Variants in UNC13C observed in about 807,000 individuals in gnomAD.
UNC13C encodes the protein protein unc-13 homolog C.
UNC13C carries 174 observed loss-of-function variants against 245.4 expected under a neutral mutation model. The observed-to-expected ratio is 0.71, with a 90% CI of 0.63 to 0.80. The LOEUF (loss-of-function observed/expected upper bound fraction) is 0.80. Ranked by LOEUF, UNC13C falls within the 30% of genes least tolerant of loss-of-function variation. The pLI is 0.00. For missense variants in UNC13C, 2,829 were observed against 2,602.9 expected (o/e 1.09, Z -1.89); for synonymous variants, 992 against 895.1 (o/e 1.11, Z -1.93).
At chr15:54,053,841 C>T (rs1897379784) in intron 2 of UNC13C, among the ~76,000 whole-genome samples, 1 of 152,010 alleles carries the variant, frequency 6.6e-6, no homozygotes, top group Non-Finnish European at 1.5e-5. Context: ...TATCTCCATG[C>T]GTTCAATTGT....
chr15:53,871,824 G>A, the UNC13C span, among the ~76,000 whole-genome samples: 1 of 152,280 alleles, frequency 6.6e-6, no homozygotes, highest in South Asian at 2.1e-4. Flanking sequence ...CAAGCCTGAC[G>A]CCAGTGGAAG....
At chr15:54,205,820 G>A (rs756043334) in intron 4 of UNC13C, among the ~76,000 whole-genome samples, 25 of 151,958 alleles carry the variant, frequency 1.6e-4, no homozygotes, top group Admixed American at 1.2e-3. Context: ...TTTATTGTAG[G>A]ACACAACAGT....
chr15:54,388,719 T>C (rs1257843725), intron 17 of UNC13C, among the ~76,000 whole-genome samples: 2 of 152,180 alleles, frequency 1.3e-5, no homozygotes, highest in Non-Finnish European at 2.9e-5. Context: ...TTTATTCTTA[T>C]TGTTTTTTAG....
chr15:54,482,488 G>A (rs1409299468), intron 19 of UNC13C, among the ~76,000 whole-genome samples: 2 of 152,078 alleles, frequency 1.3e-5, no homozygotes, highest in African/African-American at 2.4e-5. Flanking sequence ...AAACCACTGG[G>A]GATCTTTTGT....
chr15:54,449,262 C>G (rs1455970061), intron 19 of UNC13C, among the ~76,000 whole-genome samples: 1 of 152,086 alleles, frequency 6.6e-6, no homozygotes, highest in Non-Finnish European at 1.5e-5. Flanking sequence ...CTTGGAGTTG[C>G]TCTTCTCAAG....
At chr15:54,063,326 T>C (rs1040052703) in intron 2 of UNC13C, among the ~76,000 whole-genome samples, 2 of 151,742 alleles carry the variant, frequency 1.3e-5, no homozygotes, top group African/African-American at 4.8e-5. Context: ...GAGTAAGAGG[T>C]GTGTGGTGGG....
chr15:53,958,791 T>G, the UNC13C span, among the ~76,000 whole-genome samples: 2 of 152,230 alleles, frequency 1.3e-5, no homozygotes, highest in Non-Finnish European at 2.9e-5. Flanking sequence ...AACATTTATC[T>G]TTTCTTTGTG....
intron 10 of UNC13C, 35 bp from the exon 11 acceptor site, chr15:54,293,860 T>C: frequency 6.8e-7 from 1 of 1,476,098 alleles, no homozygotes; most frequent in Non-Finnish European, 9.0e-7. Flanking sequence ...AGAGCAGTTT[T>C]CAATTGTTGT....
At chr15:54,428,817 T>C (rs747399645) in intron 19 of UNC13C, among the ~76,000 whole-genome samples, 10 of 151,612 alleles carry the variant, frequency 6.6e-5, no homozygotes, top group Non-Finnish European at 1.3e-4. Flanking sequence ...CCCCAAATAT[T>C]GATAGATTGC....
Position 54,466,589 on chromosome 15 carries a change from C to T in UNC13C, c.4934-28019C>T, listed in dbSNP as rs564378178. Among the ~76,000 whole-genome samples the T allele has an allele frequency of 1.3e-3, 199 of 151,932 alleles. 1 individual carries two copies. The highest frequency in any genetic ancestry group is 4.7e-3 in the African/African-American group (195 of 41,534). ...AAGTAAATTGATCTTGAGACACTAT[C>T]GTGTCAGGATGTTGCATCTTTAAGA... On this transcript the variant is annotated intron_variant, in intron 19 of 32. Coordinates refer to ENST00000260323, the MANE Select transcript of UNC13C (RefSeq NM_001080534.3).
intron 14 of UNC13C, among the ~76,000 whole-genome samples, chr15:54,329,879 A>G (rs1422986026): frequency 6.6e-6 from 1 of 152,044 alleles, no homozygotes; most frequent in East Asian, 1.9e-4. Context: ...CAACTCCATG[A>G]AACAGAAACT....
intron 4 of UNC13C, among the ~76,000 whole-genome samples, chr15:54,151,923 TAG>T (rs2032537005): frequency 6.6e-6 from 1 of 152,154 alleles, no homozygotes; most frequent in South Asian, 2.1e-4. Context: ...ACACACTCAA[TAG>T]GAAATTTACC....
Position 53,978,855 on chromosome 15 carries a change from A to G in UNC13C, c.-329A>G, listed in dbSNP as rs987144933. On this transcript the variant is annotated 5_prime_UTR_variant, in exon 1 of 33. Coordinates refer to ENST00000260323, the MANE Select transcript of UNC13C (RefSeq NM_001080534.3). ...CAAGTGGTGTTCCTAAAAGGAAAAC[A>G]CATACACTCCAAAAGGAGGGGAAGA... 3.3e-5 allele frequency among the ~76,000 whole-genome samples: 5 copies of G among 152,212 alleles called. No homozygotes were observed. Among genetic ancestry groups the G allele is most frequent in the Non-Finnish European group, 7.3e-5 (5 of 68,042 alleles).
chr15:53,876,510 C>T, the UNC13C span, among the ~76,000 whole-genome samples: 2 of 152,136 alleles, frequency 1.3e-5, no homozygotes, highest in Non-Finnish European at 2.9e-5. Context: ...ATGTTACAGA[C>T]GTGGATCAGT....
chr15:53,882,366 T>C, the UNC13C span, among the ~76,000 whole-genome samples: 1 of 152,186 alleles, frequency 6.6e-6, no homozygotes, highest in East Asian at 1.9e-4. Context: ...TTGCTTATAA[T>C]AAAATTTATA....
At chr15:54,351,480 T>G (rs1315300494) in intron 17 of UNC13C, among the ~76,000 whole-genome samples, 1 of 152,210 alleles carries the variant, frequency 6.6e-6, no homozygotes, top group Non-Finnish European at 1.5e-5. Context: ...ATAGTCTGTA[T>G]TATTTCCCAA....
chr15:54,188,838 G>T (rs1036818838), intron 4 of UNC13C, among the ~76,000 whole-genome samples: 11 of 152,120 alleles, frequency 7.2e-5, no homozygotes, highest in African/African-American at 2.7e-4. Flanking sequence ...ACAAATAGGG[G>T]CAATCACTAA....
At chr15:54,165,240 C>G (rs947461607) in intron 4 of UNC13C, among the ~76,000 whole-genome samples, 2 of 152,034 alleles carry the variant, frequency 1.3e-5, no homozygotes, top group African/African-American at 4.8e-5. Context: ...AATATGAAAT[C>G]ATGTTGAGTA....
intron 17 of UNC13C, among the ~76,000 whole-genome samples, chr15:54,375,798 A>G (rs1292169923): frequency 6.6e-6 from 1 of 152,232 alleles, no homozygotes; most frequent in Non-Finnish European, 1.5e-5. Context: ...GCCAATGGCT[A>G]GATTGCAGCC....
Sources: allele counts gnomAD v4.1 joint callset (sites outside exome capture counted in the v4.1 genomes callset), GRCh38; gene constraint gnomAD v4.1.1; transcripts MANE v1.5; gene names NCBI Gene and HGNC (gene_info 2026-07-23, HGNC 2026-07-21).